The following MMP27 variants were observed in gnomAD, a reference collection of about 807,000 sequenced individuals.
MMP27 encodes matrix metalloproteinase-27.
In MMP27, 51 loss-of-function variants were observed where a neutral mutation model predicts 48.1. The ratio of observed to expected loss-of-function variants is 1.06; its 90% CI spans 0.85 to 1.34. The LOEUF (loss-of-function observed/expected upper bound fraction) is 1.34, where lower values mean the gene tolerates loss of function less well. MMP27 is among the 40% of genes most tolerant of loss of function. The probability of loss-of-function intolerance (pLI) is 0.00; values close to 1 mark genes in which losing one functional copy is unlikely to be tolerated. For synonymous variants in MMP27, 229 were observed against 208.9 expected, an observed-to-expected ratio of 1.10 and a Z score of -0.83; for missense variants, 698 against 619.3, an observed-to-expected ratio of 1.13 and a Z score of -1.35.
chr11:102,697,180 C>G (rs35594127), intron 4 of MMP27, among the ~76,000 whole-genome samples: 1 of 152,216 alleles, frequency 6.6e-6, no homozygotes, highest in East Asian at 1.9e-4. Flanking sequence ...ATATTATAGG[C>G]AATTGTAGCA....
Position 102,704,757 on chromosome 11 carries a change from A to G in MMP27, c.121T>C (p.Tyr41His), listed in dbSNP as rs1565430432. 2 of 1,609,948 alleles carry G rather than the reference A, an allele frequency of 1.2e-6. No individual in the cohort carries two copies. The highest frequency in any genetic ancestry group is 1.7e-6 in the Non-Finnish European group (2 of 1,176,916). Residue 41 changes from tyrosine to histidine, a missense_variant, in exon 2 of 10, where the codon TAC becomes CAC. Physicochemically the swap from Tyr to His is moderately conservative, Grantham distance 83. Transcript: ENST00000260229. ...TGATTCCCTTCTATTTCAAGAGAGT[A>G]GAACTGGTTGAGATATGCCTGACCA... ...QLAQAYLNQF[Y>H]SLEIEGNHLV...
intron 4 of MMP27, among the ~76,000 whole-genome samples, chr11:102,697,161 C>T (rs145358308): frequency 1.3e-5 from 2 of 152,310 alleles, no homozygotes; most frequent in Non-Finnish European, 2.9e-5. Flanking sequence ...TTGCACGTTA[C>T]TGTACTGAAT....
At position 102,704,543 on chromosome 11, in the gene MMP27, G is replaced by A. The variant is rs748315886; in HGVS notation, c.335C>T (p.Thr112Ile). 1.1e-5 allele frequency: 18 copies of A among 1,609,526 alleles called. No individual in the cohort carries two copies. The East Asian group carries it at 3.8e-4, about 34-fold the overall frequency. Residue 112 changes from threonine (T) to isoleucine (I), a missense_variant, in exon 2 of 10, where the codon ACC becomes ATC. Transcript: ENST00000260229. ...AAGCTGGCAGAAGCATTACCTGTAG[G>A]TGAGGTTGTATTTTCTCCACCCAGG... The part of the protein sequence containing the change: ...TLPGWRKYNL[T>I]YRIINYTPDM...
At position 102,691,892 on chromosome 11, in the gene MMP27, T is replaced by C. The variant is rs376993821; in HGVS notation, c.1416A>G (p.Ser472=). The change falls in exon 10 of 10, where the codon TCA becomes TCG. Residue 472 remains serine, a synonymous_variant. Transcript: ENST00000260229. ...TTTCCTTGTTGATATCAAAACCAAA[T>C]GAGGAGTTCTTTGGTTCTTTGCATT... ...WFQCKEPKNS[S]FGFDINKEKA... 8.7e-6 allele frequency: 14 copies of C among 1,613,500 alleles called. No homozygotes were observed. Among genetic ancestry groups the C allele is most frequent in the African/African-American group, 4.0e-5 (3 of 74,890 alleles).
chr11:102,705,294 G>A (rs533268838), intron 1 of MMP27, among the ~76,000 whole-genome samples: 14 of 152,088 alleles, frequency 9.2e-5, no homozygotes, highest in Non-Finnish European at 1.5e-4. Context: ...TGTAGATTGG[G>A]TCCTCCTGGT....
intron 4 of MMP27, among the ~76,000 whole-genome samples, chr11:102,702,500 C>T (rs1229228396): frequency 2.6e-5 from 4 of 152,170 alleles, no homozygotes; most frequent in Non-Finnish European, 5.9e-5. Context: ...TGTATAGTTC[C>T]GGGCACACAG....
chr11:102,699,610 G>T (rs1002435120), intron 4 of MMP27, among the ~76,000 whole-genome samples: 9 of 152,214 alleles, frequency 5.9e-5, no homozygotes, highest in Non-Finnish European at 5.9e-5. Flanking sequence ...ACGTAAAAGG[G>T]CAAAGAATTA....
chr11:102,696,789 C>T lies in MMP27; in HGVS notation c.666G>A (p.Leu222=). ...LVAAHEFGHA[L]GLSHSNDQTA... ...TTTGATCATTGGAGTGAGAGAGCCC[C>T]AGTGCATGACCAAATTCATGAGCAG... The change falls in exon 5 of 10, where the codon CTG becomes CTA. Residue 222 remains leucine (L), a synonymous_variant. Coordinates refer to ENST00000260229, the MANE Select transcript of MMP27 (RefSeq NM_022122.3). The T allele has an allele frequency of 6.2e-7, 1 of 1,613,256 alleles. No individual in the cohort carries two copies. Among genetic ancestry groups the T allele is most frequent in the Non-Finnish European group, 8.5e-7 (1 of 1,179,820 alleles).
intron 6 of MMP27, among the ~76,000 whole-genome samples, chr11:102,695,945 T>C (rs1221733459): frequency 1.3e-5 from 2 of 152,248 alleles, no homozygotes; most frequent in Non-Finnish European, 2.9e-5. Context: ...GACATGACTT[T>C]AATCATTTGC....
chr11:102,696,748 G>C lies in MMP27; in HGVS notation c.707C>G (p.Pro236Arg). The C allele has an allele frequency of 6.2e-7, 1 of 1,613,834 alleles. No individual in the cohort carries two copies. The highest frequency in any genetic ancestry group is 8.5e-7 in the Non-Finnish European group (1 of 1,179,900). Residue 236 changes from proline (P) to arginine (R), a missense_variant, in exon 5 of 10, where the codon CCA (proline) becomes CGA (arginine). By Grantham distance (103) the Pro-to-Arg change is moderately radical. Transcript: ENST00000260229. Reference protein sequence around the residue: ...HSNDQTALMFPNYVSLDPRKY... With the variant: ...HSNDQTALMFRNYVSLDPRKY... ...TCTGGGATCCAGGGAGACATAATTT[G>C]GGAACATCAAGGCTGTTTGATCATT...
rs1023436769 is a variant in MMP27, at chr11:102,691,827, C to A, written c.1481G>T (p.Ser494Ile). 6.2e-7 allele frequency: 1 copy of A among 1,611,688 alleles called. No homozygotes were observed. The highest frequency in any genetic ancestry group is 1.3e-5 in the African/African-American group (1 of 74,984). The change falls in exon 10 of 10, where the codon AGT (serine) becomes ATT (isoleucine). Residue 494 changes from serine (S) to isoleucine (I), a missense_variant. By Grantham distance (142) the Ser-to-Ile change is moderately radical. Coordinates refer to ENST00000260229, the MANE Select transcript of MMP27 (RefSeq NM_022122.3). ...AATACCAAAAATAAACAAGCTTAAA[C>A]TCTTATGATACAATATCTTTATGCC... ...SGGIKILYHK[S>I]LSLFIFGIVH...
In MMP27 at chr11:102,691,838, C is replaced by T. The variant is rs773250970; in HGVS notation, c.1470G>A (p.Leu490=). The T allele has an allele frequency of 6.2e-7, 1 of 1,612,652 alleles. No homozygotes were observed. Among genetic ancestry groups the T allele is most frequent in the Non-Finnish European group, 8.5e-7 (1 of 1,179,046 alleles). Residue 490 remains leucine (L), a synonymous_variant, in exon 10 of 10, where the codon TTG becomes TTA. Transcript: ENST00000260229. The part of the protein sequence containing the change: ...EKAHSGGIKI[L]YHKSLSLFIF... ...TAAACAAGCTTAAACTCTTATGATA[C>T]AATATCTTTATGCCTCCTGAATGTG...
Position 102,691,805 on chromosome 11 carries a change from A to T in MMP27, c.1503T>A (p.Gly501=). The T allele has an allele frequency of 2.5e-6, 4 of 1,608,204 alleles. No individual in the cohort carries two copies. Among genetic ancestry groups the T allele is most frequent in the Non-Finnish European group, 3.4e-6 (4 of 1,176,286 alleles). ...AAGTGTTTTTCAGCAAATGAACAAT[A>T]CCAAAAATAAACAAGCTTAAACTCT... ...YHKSLSLFIF[G]IVHLLKNTSI... is the part of the protein sequence containing the mutation. The change falls in exon 10 of 10, where the codon GGT becomes GGA. Residue 501 remains glycine (G), a synonymous_variant. Coordinates refer to ENST00000260229, the MANE Select transcript of MMP27 (RefSeq NM_022122.3).
intron 5 of MMP27, 79 bp from the exon 6 acceptor site, chr11:102,696,570 G>T (rs1860832925): frequency 6.3e-6 from 10 of 1,575,312 alleles, no homozygotes; most frequent in East Asian, 2.2e-5. Context: ...TACCTAAGTG[G>T]ATATTTGCTT....
intron 7 of MMP27, 21 bp downstream of exon 7, chr11:102,694,946 A>G: frequency 6.2e-7 from 1 of 1,613,144 alleles, no homozygotes; most frequent in Non-Finnish European, 8.5e-7. Flanking sequence ...GGAGAAGAGG[A>G]ATCGGGATGG....
At position 102,696,798 on chromosome 11, in the gene MMP27, A is replaced by T. The variant is rs772883883; in HGVS notation, c.657T>A (p.Gly219=). 2 of 1,612,144 alleles carry T rather than the reference A, an allele frequency of 1.2e-6. No homozygotes were observed. Among genetic ancestry groups the T allele is most frequent in the African/African-American group, 2.7e-5 (2 of 74,946 alleles). Residue 219 remains glycine (G), a synonymous_variant, in exon 5 of 10, where the codon GGT becomes GGA. Coordinates refer to ENST00000260229, the MANE Select transcript of MMP27 (RefSeq NM_022122.3). ...TGGAGTGAGAGAGCCCCAGTGCATG[A>T]CCAAATTCATGAGCAGCCACAAGAA... ...NLFLVAAHEF[G]HALGLSHSND...
chr11:102,694,137 A>G (rs776435705), intron 7 of MMP27, 72 bp from the exon 8 acceptor site: 4 of 1,160,364 alleles, frequency 3.4e-6, no homozygotes, highest in East Asian at 5.2e-5. Context: ...AAAAATCATT[A>G]GATACCTAGT....
At chr11:102,694,381 C>A (rs550610669) in intron 7 of MMP27, among the ~76,000 whole-genome samples, 131 of 152,156 alleles carry the variant, frequency 8.6e-4, no homozygotes, top group African/African-American at 3.0e-3. Flanking sequence ...CACATTGTAC[C>A]CCATAAATAT....
At chr11:102,698,387 CTT>C (rs1860873861) in intron 4 of MMP27, among the ~76,000 whole-genome samples, 1 of 151,850 alleles carries the variant, frequency 6.6e-6, no homozygotes, top group Non-Finnish European at 1.5e-5. Context: ...TGGCACATAA[CTT>C]TAATTGGTAC....
Sources: allele counts gnomAD v4.1 joint callset (sites outside exome capture counted in the v4.1 genomes callset), GRCh38; gene constraint gnomAD v4.1.1; transcripts MANE v1.5; gene names NCBI Gene and HGNC (gene_info 2026-07-23, HGNC 2026-07-21).